Variants in SGCZ observed in about 807,000 individuals in gnomAD.
SGCZ encodes the protein sarcoglycan zeta.
SGCZ carries 40 observed loss-of-function variants against 41.3 expected under a neutral mutation model. The ratio of observed to expected loss-of-function variants is 0.97; its 90% confidence interval spans 0.75 to 1.26. The LOEUF (loss-of-function observed/expected upper bound fraction) is 1.26, where lower values mean the gene tolerates loss of function less well. Among genes scored for constraint, SGCZ ranks in the 50% most tolerant of loss-of-function variants. SGCZ has a pLI of 0.00. For synonymous variants in SGCZ, 206 were observed against 137.5 expected (o/e 1.50, Z -3.49); for missense variants, 552 against 369.8 (o/e 1.49, Z -4.04).
chr8:15,122,736 A>T (rs1807528322), intron 1 of SGCZ, among the ~76,000 whole-genome samples: 1 of 152,184 alleles, frequency 6.6e-6, no homozygotes, highest in African/African-American at 2.4e-5. Context: ...TACTAAAAAA[A>T]TCAAACTCTC....
chr8:15,069,650 T>C (rs1805281015), intron 1 of SGCZ, among the ~76,000 whole-genome samples: 1 of 152,240 alleles, frequency 6.6e-6, no homozygotes, highest in Admixed American at 6.5e-5. Context: ...TTACTTTTGC[T>C]TACCGCATAT....
At chr8:14,317,312 T>C (rs1462698923) in intron 3 of SGCZ, among the ~76,000 whole-genome samples, 1 of 152,076 alleles carries the variant, frequency 6.6e-6, no homozygotes, top group Non-Finnish European at 1.5e-5. Context: ...ATGAACTTCA[T>C]CTTGCAGATG....
chr8:14,395,543 C>T (rs75577546), intron 2 of SGCZ, among the ~76,000 whole-genome samples: 2,973 of 152,158 alleles, frequency 0.02, 51 homozygotes, highest in Non-Finnish European at 0.03. Flanking sequence ...GGTGAAGGTA[C>T]GGCTACTCTA....
chr8:14,366,850 T>C (rs1239816587), intron 2 of SGCZ, among the ~76,000 whole-genome samples: 1 of 152,090 alleles, frequency 6.6e-6, no homozygotes, highest in Non-Finnish European at 1.5e-5. Context: ...AAACCTTTTT[T>C]CCCTCCTAGG....
intron 3 of SGCZ, among the ~76,000 whole-genome samples, chr8:14,255,545 GTT>G (rs1237012846): frequency 6.7e-6 from 1 of 149,790 alleles, no homozygotes; most frequent in African/African-American, 2.5e-5. Context: ...TTATAAATTT[GTT>G]TTATCATCGC....
At chr8:14,102,888 T>TAATA (rs1563127809) in intron 6 of SGCZ, among the ~76,000 whole-genome samples, 3 of 152,168 alleles carry the variant, frequency 2.0e-5, no homozygotes, top group Admixed American at 1.3e-4. Flanking sequence ...GATGGAGGTT[T>TAATA]AATAAAAAAT....
intron 2 of SGCZ, among the ~76,000 whole-genome samples, chr8:14,470,006 C>A (rs1022257600): frequency 2.6e-5 from 4 of 152,112 alleles, no homozygotes; most frequent in Admixed American, 2.6e-4. Context: ...TTGATGGGAA[C>A]CCCAGCTTGA....
intron 2 of SGCZ, among the ~76,000 whole-genome samples, chr8:14,476,438 C>T (rs957393627): frequency 4.6e-5 from 7 of 151,292 alleles, no homozygotes; most frequent in African/African-American, 1.7e-4. Flanking sequence ...TCTGGAGAAC[C>T]CTGAATAATA....
intron 1 of SGCZ, among the ~76,000 whole-genome samples, chr8:14,716,940 A>T (rs2249645): frequency 6.6e-6 from 1 of 151,818 alleles, no homozygotes; most frequent in Non-Finnish European, 1.5e-5. Context: ...ATTATATTTC[A>T]TCTTATTAAT....
At chr8:14,394,011 G>A (rs1585446119) in intron 2 of SGCZ, among the ~76,000 whole-genome samples, 1 of 152,092 alleles carries the variant, frequency 6.6e-6, no homozygotes, top group African/African-American at 2.4e-5. Flanking sequence ...TTTCTTGAAA[G>A]TAACTGTTAA....
intron 1 of SGCZ, among the ~76,000 whole-genome samples, chr8:15,086,323 G>A (rs1805948243): frequency 6.6e-6 from 1 of 152,110 alleles, no homozygotes; most frequent in Non-Finnish European, 1.5e-5. Context: ...AGACACATAA[G>A]CTTGGGTTTG....
intron 1 of SGCZ, among the ~76,000 whole-genome samples, chr8:15,138,032 G>A (rs184848904): frequency 2.0e-5 from 3 of 152,290 alleles, no homozygotes; most frequent in Non-Finnish European, 4.4e-5. Flanking sequence ...AAGCCACAGG[G>A]GCAGAGCTAC....
At chr8:14,570,817 G>A (rs1804528253) in intron 1 of SGCZ, among the ~76,000 whole-genome samples, 1 of 151,950 alleles carries the variant, frequency 6.6e-6, no homozygotes, top group African/African-American at 2.4e-5. Flanking sequence ...CTTTTAAAGA[G>A]TTTTATTTTA....
chr8:14,493,887 C>T (rs1801915310), intron 2 of SGCZ, among the ~76,000 whole-genome samples: 1 of 152,024 alleles, frequency 6.6e-6, no homozygotes, highest in Non-Finnish European at 1.5e-5. Flanking sequence ...TCCAAGCACA[C>T]TCTTTGGCAA....
intron 1 of SGCZ, among the ~76,000 whole-genome samples, chr8:14,631,835 C>T (rs185026122): frequency 3.9e-4 from 60 of 152,020 alleles, no homozygotes; most frequent in African/African-American, 1.3e-3. Context: ...AATACATATG[C>T]TTTATTTTAA....
chr8:14,669,644 G>A (rs891659069), intron 1 of SGCZ, among the ~76,000 whole-genome samples: 1 of 151,042 alleles, frequency 6.6e-6, no homozygotes, highest in Non-Finnish European at 1.5e-5. Context: ...TATCACAAAT[G>A]GCAGCACTTG....
intron 2 of SGCZ, chr8:14,487,749 G>C (rs577593065): frequency 7.0e-6 from 1 of 142,504 alleles, no homozygotes; most frequent in African/African-American, 2.6e-5. Context: ...TAAGGTATTC[G>C]TACCTCAGTG....
intron 4 of SGCZ, among the ~76,000 whole-genome samples, chr8:14,167,979 C>T (rs1804258998): frequency 6.6e-6 from 1 of 152,052 alleles, no homozygotes; most frequent in African/African-American, 2.4e-5. Flanking sequence ...TTCAAGATTC[C>T]TCTTGGTACT....
chr8:14,314,457 T>C (rs926924212), intron 3 of SGCZ, among the ~76,000 whole-genome samples: 1 of 152,182 alleles, frequency 6.6e-6, no homozygotes, highest in African/African-American at 2.4e-5. Context: ...TGAATCAGCA[T>C]TGAAAATCTC....
Sources: allele counts gnomAD v4.1 joint callset (sites outside exome capture counted in the v4.1 genomes callset), GRCh38; gene constraint gnomAD v4.1.1; transcripts MANE v1.5; gene names NCBI Gene and HGNC (gene_info 2026-07-23, HGNC 2026-07-21).